Variants in SNTG1 observed in about 807,000 individuals in gnomAD.
SNTG1 encodes the protein gamma-1-syntrophin.
Under a neutral mutation model 74.7 loss-of-function variants are expected in SNTG1, and 39 were observed. The observed-to-expected ratio is 0.52, with a 90% CI of 0.40 to 0.68. SNTG1 has a LOEUF of 0.68. SNTG1 is among the 30% of genes least tolerant of loss of function. SNTG1 has a pLI of 0.00. For missense variants in SNTG1, 685 were observed against 609.5 expected (o/e 1.12, Z -1.30); for synonymous variants, 254 against 217.1 (o/e 1.17, Z -1.49).
At chr8:49,925,003 A>G (rs1006443793) in intron 1 of SNTG1, among the ~76,000 whole-genome samples, 14 of 152,018 alleles carry the variant, frequency 9.2e-5, no homozygotes, top group African/African-American at 3.1e-4. Flanking sequence ...AAGTAAAGTA[A>G]TTATCCGGAT....
rs544689243 is a variant in SNTG1, at chr8:50,199,148, T to A, written c.-28+26513T>A. 5.3e-4 allele frequency among the ~76,000 whole-genome samples: 81 copies of A among 152,154 alleles called. 3 individuals carry two copies. The South Asian group carries it at 0.016, about 31-fold the overall frequency. On this transcript the variant is annotated intron_variant, in intron 2 of 18. Transcript: ENST00000642720. ...TATTTTTCTTTGCAGTGTTTTTTTT[T>A]AAAATCACAGTTTCTTGTGATTAGA... is the stretch of plus-strand genomic sequence containing the variant.
At chr8:50,261,977 G>T (rs937057447) in intron 2 of SNTG1, among the ~76,000 whole-genome samples, 2 of 152,180 alleles carry the variant, frequency 1.3e-5, no homozygotes, top group East Asian at 1.9e-4. Context: ...AAAATATAGA[G>T]AATTTGGCAG....
chr8:50,367,865 G>A (rs1438929153), intron 2 of SNTG1, among the ~76,000 whole-genome samples: 1 of 152,114 alleles, frequency 6.6e-6, no homozygotes, highest in Non-Finnish European at 1.5e-5. Context: ...TTTGGTACCA[G>A]GAAGTGGACT....
At chr8:50,474,041 T>C (rs972851878) in intron 8 of SNTG1, among the ~76,000 whole-genome samples, 6 of 152,076 alleles carry the variant, frequency 3.9e-5, no homozygotes, top group South Asian at 2.1e-4. Context: ...TTTCAGGTTT[T>C]AGAGTTGAAA....
At chr8:50,305,740 A>G (rs904447677) in intron 2 of SNTG1, among the ~76,000 whole-genome samples, 7 of 152,000 alleles carry the variant, frequency 4.6e-5, no homozygotes, top group African/African-American at 1.2e-4. Flanking sequence ...ACCAAAAATT[A>G]CTCATAATAA....
chr8:49,915,920 A>G (rs529489801), intron 1 of SNTG1, among the ~76,000 whole-genome samples: 2 of 152,302 alleles, frequency 1.3e-5, no homozygotes, highest in South Asian at 4.1e-4. Context: ...AGAAAATCGA[A>G]TAAGCAGTAT....
chr8:50,152,562 G>A (rs2082106395), intron 1 of SNTG1, among the ~76,000 whole-genome samples: 1 of 152,144 alleles, frequency 6.6e-6, no homozygotes, highest in Non-Finnish European at 1.5e-5. Flanking sequence ...TCCTTTCTAT[G>A]TTTAGTGCTT....
chr8:50,704,780 G>T, intron 16 of SNTG1, 28 bp downstream of exon 16: 1 of 1,612,666 alleles, frequency 6.2e-7, no homozygotes, highest in Non-Finnish European at 8.5e-7. Context: ...TGCAGGATGT[G>T]TGGCTCCCTC....
At chr8:50,375,434 T>C (rs771750939) in intron 2 of SNTG1, among the ~76,000 whole-genome samples, 4 of 151,818 alleles carry the variant, frequency 2.6e-5, no homozygotes, top group Non-Finnish European at 5.9e-5. Flanking sequence ...GAGACAGTGA[T>C]TCAGAAGGGC....
chr8:50,492,692 A>C (rs1314735166), intron 8 of SNTG1, among the ~76,000 whole-genome samples: 1 of 152,158 alleles, frequency 6.6e-6, no homozygotes, highest in East Asian at 1.9e-4. Context: ...TTGCCTGTTC[A>C]TGCTGATGAT....
At chr8:50,745,375 T>C (rs1416668123) in intron 17 of SNTG1, among the ~76,000 whole-genome samples, 1 of 151,708 alleles carries the variant, frequency 6.6e-6, no homozygotes, top group Non-Finnish European at 1.5e-5. Flanking sequence ...ATGGCAAAAA[T>C]CAGAAAGAAA....
rs886726520 is a variant in SNTG1, at chr8:50,364,137, C to T, written c.-27-30075C>T. 1.1e-4 allele frequency among the ~76,000 whole-genome samples: 16 copies of T among 152,118 alleles called. 1 individual carries two copies. Among genetic ancestry groups the T allele is most frequent in the African/African-American group, 3.9e-4 (16 of 41,438 alleles). ...ATCGGCCATTGGTGATTAATTCAGT[C>T]TCCAGTCCCTCTTGCCTTCCTAGAG... On this transcript the variant is annotated intron_variant, in intron 2 of 18. Coordinates refer to ENST00000642720, the MANE Select transcript of SNTG1 (RefSeq NM_018967.5).
At chr8:50,746,899 T>A (rs1319855460) in intron 17 of SNTG1, among the ~76,000 whole-genome samples, 1 of 148,580 alleles carries the variant, frequency 6.7e-6, no homozygotes, top group African/African-American at 2.4e-5. Flanking sequence ...ACATATGCTT[T>A]TTATTTTCCC....
At chr8:50,442,738 T>A (rs1157992634) in intron 5 of SNTG1, among the ~76,000 whole-genome samples, 1 of 145,404 alleles carries the variant, frequency 6.9e-6, no homozygotes, top group Admixed American at 6.8e-5. Flanking sequence ...TTCACAAAAA[T>A]TTCAACAAAA....
At chr8:50,178,368 T>A (rs539272687) in intron 2 of SNTG1, among the ~76,000 whole-genome samples, 48 of 151,896 alleles carry the variant, frequency 3.2e-4, no homozygotes, top group African/African-American at 1.1e-3. Flanking sequence ...CTTTTTTTTT[T>A]TTCTGTCACT....
chr8:50,316,768 A>C (rs57159329), intron 2 of SNTG1, among the ~76,000 whole-genome samples: 34,575 of 152,112 alleles, frequency 0.23, 3,995 homozygotes, highest in South Asian at 0.34. Flanking sequence ...GAACTTGTAA[A>C]CACAATAAGA....
chr8:50,584,019 G>A (rs370096749), intron 12 of SNTG1, among the ~76,000 whole-genome samples: 18 of 151,894 alleles, frequency 1.2e-4, no homozygotes, highest in East Asian at 5.8e-4. Context: ...GAGAACATGC[G>A]GTGTTTGGTT....
chr8:50,469,437 A>C (rs1306621436), intron 8 of SNTG1, among the ~76,000 whole-genome samples: 1 of 152,256 alleles, frequency 6.6e-6, no homozygotes, highest in East Asian at 1.9e-4. Flanking sequence ...CAGCATCCTG[A>C]AAACCTTCCA....
intron 17 of SNTG1, among the ~76,000 whole-genome samples, chr8:50,731,619 G>T (rs1359651731): frequency 6.6e-6 from 1 of 152,036 alleles, no homozygotes; most frequent in Admixed American, 6.6e-5. Flanking sequence ...TCTCCTGTCT[G>T]GGTCTACCTC....
Sources: allele counts gnomAD v4.1 joint callset (sites outside exome capture counted in the v4.1 genomes callset), GRCh38; gene constraint gnomAD v4.1.1; transcripts MANE v1.5; gene names NCBI Gene and HGNC (gene_info 2026-07-23, HGNC 2026-07-21).